The following NFAT5 variants were observed in gnomAD, a reference collection of about 807,000 sequenced individuals.
The protein encoded by NFAT5 is nuclear factor of activated T-cells 5.
A neutral mutation model predicts 166.5 loss-of-function variants in NFAT5; 31 were observed. That is an observed-to-expected ratio of 0.19 (90% confidence interval 0.14 to 0.25). The LOEUF (loss-of-function observed/expected upper bound fraction) is 0.25, where lower values mean the gene tolerates loss of function less well. NFAT5 is among the 10% of genes least tolerant of loss of function. The probability of loss-of-function intolerance (pLI) is 1.00; values close to 1 mark genes in which losing one functional copy is unlikely to be tolerated. For synonymous variants in NFAT5, 612 were observed against 639.7 expected (o/e 0.96, Z 0.65); for missense variants, 1,449 against 1,821.8 (o/e 0.80, Z 3.72).
At chr16:69,664,687 A>G (rs2036288779) in intron 7 of NFAT5, among the ~76,000 whole-genome samples, 1 of 152,192 alleles carries the variant, frequency 6.6e-6, no homozygotes, top group African/African-American at 2.4e-5. Context: ...TTTAAGCATT[A>G]TTCCTTTCAA....
At chr16:69,631,565 A>G (rs145649755) in intron 3 of NFAT5, among the ~76,000 whole-genome samples, 2 of 152,228 alleles carry the variant, frequency 1.3e-5, no homozygotes, top group East Asian at 1.9e-4. Context: ...TTCAGTAATT[A>G]TATATTAATA....
At chr16:69,591,450 A>G (rs1597367439) in intron 2 of NFAT5, among the ~76,000 whole-genome samples, 2 of 152,330 alleles carry the variant, frequency 1.3e-5, no homozygotes, top group South Asian at 4.1e-4. Context: ...GGGGAAAAGG[A>G]CAGGATTTCT....
At chr16:69,650,942 G>A (rs959530353) in intron 4 of NFAT5, among the ~76,000 whole-genome samples, 9 of 152,180 alleles carry the variant, frequency 5.9e-5, no homozygotes, top group African/African-American at 9.7e-5. Context: ...GTTTGAATCT[G>A]TACCCAGAAT....
At chr16:69,670,187 T>TA (rs56046919) in intron 8 of NFAT5, 49 bp from the exon 9 acceptor site, 103,203 of 1,548,098 alleles carry the variant, frequency 0.067, 3,395 homozygotes, top group Middle Eastern at 0.098. Flanking sequence ...AGCTACAGAG[T>TA]AAAAAAAATA....
chr16:69,629,511 T>C (rs2034612568), intron 3 of NFAT5, among the ~76,000 whole-genome samples: 1 of 152,126 alleles, frequency 6.6e-6, no homozygotes, highest in South Asian at 2.1e-4. Context: ...AATCCCAGGG[T>C]CAAGGTGTCG....
intron 6 of NFAT5, among the ~76,000 whole-genome samples, chr16:69,657,785 A>G (rs977983338): frequency 5.6e-5 from 8 of 144,010 alleles, no homozygotes; most frequent in Admixed American, 1.4e-4. Context: ...AAAGACAATT[A>G]TAAAAATAAA....
chr16:69,590,220 T>G (rs925618275), intron 2 of NFAT5, among the ~76,000 whole-genome samples: 9 of 152,186 alleles, frequency 5.9e-5, no homozygotes, highest in African/African-American at 1.9e-4. Context: ...CAGTTGTGGG[T>G]CGTCTGAGTA....
intron 2 of NFAT5, among the ~76,000 whole-genome samples, chr16:69,606,362 G>C (rs1315550679): frequency 6.6e-6 from 1 of 152,198 alleles, no homozygotes. Context: ...TACACTAAAG[G>C]AGGCAGCTCC....
intron 2 of NFAT5, among the ~76,000 whole-genome samples, chr16:69,591,431 G>A (rs1383241219): frequency 6.6e-6 from 1 of 152,144 alleles, no homozygotes; most frequent in African/African-American, 2.4e-5. Context: ...GGAGGAAGCT[G>A]TTTAGTAAGG....
At chr16:69,589,341 G>A (rs2032316771) in intron 2 of NFAT5, among the ~76,000 whole-genome samples, 1 of 152,130 alleles carries the variant, frequency 6.6e-6, no homozygotes, top group African/African-American at 2.4e-5. Flanking sequence ...TTGTCTATCA[G>A]TTGGATGTTT....
Position 69,692,729 on chromosome 16 carries a change from G to T in NFAT5, c.2904G>T (p.Met968Ile), listed in dbSNP as rs766443258. ...TGTCTACCAATGAGGATATGCAAAT[G>T]CAGTGTGAATTGTTTTCTTCTCCTC... ...SALSTNEDMQ[M>I]QCELFSSPPA... The change falls in exon 13 of 15, where the codon ATG (methionine) becomes ATT (isoleucine). Residue 968 changes from methionine to isoleucine, a missense_variant. Met to Ile is a conservative substitution (Grantham distance 10, BLOSUM62 1). Transcript: ENST00000349945. The T allele has an allele frequency of 6.2e-7, 1 of 1,614,214 alleles. No individual in the cohort carries two copies. Among genetic ancestry groups the T allele is most frequent in the Non-Finnish European group, 8.5e-7 (1 of 1,180,048 alleles).
At chr16:69,680,011 A>G (rs574027151) in intron 10 of NFAT5, among the ~76,000 whole-genome samples, 269 of 152,182 alleles carry the variant, frequency 1.8e-3, no homozygotes, top group Non-Finnish European at 1.8e-3. Flanking sequence ...CCAGCTACTC[A>G]GGAGGCTGAG....
intron 3 of NFAT5, among the ~76,000 whole-genome samples, chr16:69,631,206 G>A (rs995160833): frequency 3.3e-5 from 5 of 152,212 alleles, no homozygotes; most frequent in African/African-American, 1.2e-4. Context: ...GCCGAGGTGG[G>A]TGGATCATGA....
At chr16:69,595,321 G>T (rs1214432573) in intron 2 of NFAT5, among the ~76,000 whole-genome samples, 1 of 152,182 alleles carries the variant, frequency 6.6e-6, no homozygotes, top group Non-Finnish European at 1.5e-5. Flanking sequence ...TAAGTGAGGT[G>T]CATCACGTAG....
At chr16:69,651,913 C>A (rs538698893) in intron 4 of NFAT5, among the ~76,000 whole-genome samples, 1 of 151,986 alleles carries the variant, frequency 6.6e-6, no homozygotes, top group South Asian at 2.1e-4. Flanking sequence ...CTCAGGTGAT[C>A]CACCCCGCTT....
chr16:69,625,376 T>C (rs1215156341), intron 2 of NFAT5, among the ~76,000 whole-genome samples: 1 of 152,008 alleles, frequency 6.6e-6, no homozygotes, highest in East Asian at 1.9e-4. Context: ...TTTTAAAAGA[T>C]ACAGGGTTCT....
chr16:69,578,224 G>A (rs2142919981), intron 2 of NFAT5, among the ~76,000 whole-genome samples: 1 of 152,236 alleles, frequency 6.6e-6, no homozygotes, highest in Non-Finnish European at 1.5e-5. Context: ...GGGAAGTCCT[G>A]CAACCCATCT....
rs2035498211 is a variant in NFAT5, at chr16:69,647,726, A to T, written c.812+140A>T. The stretch of plus-strand genomic sequence containing the variant: ...TAATTTTATCATTGAAATACATGAA[A>T]ATTTTAACTTAAAATTACCAACTTT... On this transcript the variant is annotated intron_variant, in intron 4 of 14. Coordinates refer to ENST00000349945, the MANE Select transcript of NFAT5 (RefSeq NM_138713.4). The surrounding 1 kb of genome is among the most constrained non-coding windows in gnomAD (Gnocchi z 4.8). 1.4e-6 allele frequency: 1 copy of T among 733,836 alleles called. No individual in the cohort carries two copies. The highest frequency in any genetic ancestry group is 1.8e-5 in the African/African-American group (1 of 56,160). 45.5% of individuals were successfully genotyped at this position (733,836 alleles called of 1,614,324 possible).
intron 2 of NFAT5, among the ~76,000 whole-genome samples, chr16:69,585,027 C>T (rs1040417301): frequency 6.6e-6 from 1 of 151,982 alleles, no homozygotes; most frequent in Admixed American, 6.6e-5. Context: ...GAGGTGGAGT[C>T]TCGCTCTGTC....
Sources: allele counts gnomAD v4.1 joint callset (sites outside exome capture counted in the v4.1 genomes callset), GRCh38; gene constraint gnomAD v4.1.1; non-coding constraint Gnocchi (gnomAD v3.1); transcripts MANE v1.5; gene names NCBI Gene and HGNC (gene_info 2026-07-23, HGNC 2026-07-21).